RPUSD4: variants seen among roughly 807,000 people sequenced by gnomAD.
The protein encoded by RPUSD4 is pseudouridylate synthase RPUSD4, mitochondrial.
In RPUSD4, 37 loss-of-function variants were observed where a neutral mutation model predicts 35.4. That is an observed-to-expected ratio of 1.04 (90% confidence interval 0.80 to 1.37). The LOEUF is 1.37. RPUSD4 is among the 40% of genes most tolerant of loss of function. The probability of loss-of-function intolerance (pLI) is 0.00; values close to 1 mark genes in which losing one functional copy is unlikely to be tolerated. For missense variants in RPUSD4, 507 were observed against 484.9 expected, an observed-to-expected ratio of 1.05 and a Z score of -0.43; for synonymous variants, 210 against 192.7, an observed-to-expected ratio of 1.09 and a Z score of -0.74.
intron 1 of RPUSD4, 90 bp downstream of exon 1, chr11:126,211,360 C>T: frequency 7.2e-7 from 1 of 1,388,118 alleles, no homozygotes; most frequent in Non-Finnish European, 9.8e-7. Context: ...GACTCACACG[C>T]TTTCACTCAG....
Position 126,204,234 on chromosome 11 carries a change from G to A in RPUSD4, c.891C>T (p.Pro297=). 3 of 1,610,488 alleles carry A rather than the reference G, an allele frequency of 1.9e-6. No individual in the cohort carries two copies. The highest frequency in any genetic ancestry group is 8.5e-7 in the Non-Finnish European group (1 of 1,177,690). ...CATTGGGTCAAATTAGTATTACCTG[G>A]GGGGCCAACCTATTCCAGTCTGAGT... ...HKYSDWNRLA[P]QKLSVGTLKK... The change falls in exon 6 of 7, where the codon CCC becomes CCT. Residue 297 remains proline, a synonymous_variant. Transcript: ENST00000298317.
rs1340745112 is a variant in RPUSD4, at chr11:126,209,724, T to C, written c.356-2A>G. 2.7e-5 allele frequency: 43 copies of C among 1,611,280 alleles called. No individual in the cohort carries two copies. The highest frequency in any genetic ancestry group is 3.6e-5 in the Non-Finnish European group (42 of 1,179,114). On this transcript the variant is annotated splice_acceptor_variant, in intron 2 of 6. Coordinates refer to ENST00000298317, the MANE Select transcript of RPUSD4 (RefSeq NM_032795.3). LOFTEE classifies it high-confidence loss of function. ...TGCAGAGCTGGACCCCAGGGCCACCTAAGAAGGAAAAAGCCAAAGGTTTGA... is the reference window on the plus strand; with the variant it reads ...TGCAGAGCTGGACCCCAGGGCCACCCAAGAAGGAAAAAGCCAAAGGTTTGA...
chr11:126,211,365 A>C, intron 1 of RPUSD4, 85 bp downstream of exon 1: 1 of 1,414,912 alleles, frequency 7.1e-7, no homozygotes, highest in Non-Finnish European at 9.6e-7. Context: ...ACACGCTTTC[A>C]CTCAGAGGAC....
At chr11:126,204,112 T>A (rs1949742790) in intron 6 of RPUSD4, 119 bp downstream of exon 6, 1 of 770,900 alleles carries the variant, frequency 1.3e-6, no homozygotes, top group Admixed American at 2.3e-5. Context: ...GATAATGAGC[T>A]TGGTATCATG....
intron 6 of RPUSD4, 102 bp from the exon 7 acceptor site, chr11:126,203,759 C>T: frequency 2.8e-6 from 4 of 1,425,932 alleles, no homozygotes; most frequent in South Asian, 2.8e-5. Context: ...CCAAAACTAA[C>T]CCCCTGGAAG....
At chr11:126,207,315 C>G (rs1949783517) in intron 3 of RPUSD4, among the ~76,000 whole-genome samples, 1 of 152,168 alleles carries the variant, frequency 6.6e-6, no homozygotes, top group African/African-American at 2.4e-5. Flanking sequence ...CTAAATTCCT[C>G]CATTCTCCAT....
rs961182405 is a variant in RPUSD4 at position 126,202,978 on chromosome 11, G to C, written c.*440C>G. 2 of 176,424 alleles carry C rather than the reference G, an allele frequency of 1.1e-5. No homozygotes were observed. The highest frequency in any genetic ancestry group is 4.7e-5 in the African/African-American group (2 of 42,302). 10.9% of individuals were successfully genotyped at this position (176,424 alleles called of 1,614,324 possible). A position where few individuals can be genotyped will look rare whatever the true frequency, so the allele number is the denominator to read the frequency against. On this transcript the variant is annotated 3_prime_UTR_variant, in exon 7 of 7. Transcript: ENST00000298317. ...TATAGCTGGGCAATCCCTGGATGCTGTGATATTTGTTAACCATTATGTTCT... is the reference window on the plus strand; with the variant it reads ...TATAGCTGGGCAATCCCTGGATGCTCTGATATTTGTTAACCATTATGTTCT...
intron 5 of RPUSD4, 140 bp downstream of exon 5, chr11:126,205,328 G>T: frequency 1.0e-6 from 1 of 975,178 alleles, no homozygotes. Context: ...ATCTCTCTGG[G>T]AGTCCCCGGC....
chr11:126,209,752 G>A lies in RPUSD4; in HGVS notation c.356-30C>T, dbSNP rs79194001. ...GAAGGAAAAAGCCAAAGGTTTGAGC[G>A]GCCAGGAAAAGATCTCGCCAAAGAA... is the stretch of plus-strand genomic sequence containing the variant. On this transcript the variant is annotated intron_variant, in intron 2 of 6. Transcript: ENST00000298317. 10,625 of 1,588,470 alleles carry A rather than the reference G, an allele frequency of 6.7e-3. 475 individuals carry two copies. In the African/African-American group the frequency reaches 0.11, roughly 16 times the overall value.
chr11:126,207,484 T>G (rs1949784793), intron 3 of RPUSD4, among the ~76,000 whole-genome samples: 2 of 152,170 alleles, frequency 1.3e-5, no homozygotes, highest in African/African-American at 4.8e-5. Context: ...ATCTGCAAAA[T>G]CTGTAATCTA....
rs373330680 is a variant in RPUSD4, at chr11:126,203,282, G to A, written c.*136C>T. ...TTACCTTATCCCACCTGGCTCTTAC[G>A]CAGTCTGTTCCAAGTGAGAAGTTAG... is the stretch of plus-strand genomic sequence containing the variant. On this transcript the variant is annotated 3_prime_UTR_variant, in exon 7 of 7. Coordinates refer to ENST00000298317, the MANE Select transcript of RPUSD4 (RefSeq NM_032795.3). 1.8e-5 allele frequency: 23 copies of A among 1,307,996 alleles called. No homozygotes were observed. In the East Asian group the frequency reaches 1.9e-4, roughly 11 times the overall value. The allele number at this position is 1,307,996 out of a possible 1,614,324, so 81.0% of individuals were successfully genotyped here.
Position 126,210,900 on chromosome 11 carries a change from G to A in RPUSD4, c.345C>T (p.Leu115=), listed in dbSNP as rs183768502. The change falls in exon 2 of 7, where the codon CTC becomes CTT. Residue 115 remains leucine, a synonymous_variant. Transcript: ENST00000298317. ...CCGCGTGGTCCTTACCATGCACAGG[G>A]AGACCGTAGGGCTTATTGATGACCA... ...NLVVINKPYG[L]PVHGGPGVQL... 101 of 1,614,036 alleles carry A rather than the reference G, an allele frequency of 6.3e-5. No individual in the cohort carries two copies. The East Asian group carries it at 2.2e-3, about 36-fold the overall frequency.
chr11:126,203,621 C>A lies in RPUSD4; in HGVS notation c.931G>T (p.Glu311Ter), dbSNP rs1591486838. ...SVGTLKKLGL[E>*]QSKARYIPLH... The stretch of plus-strand genomic sequence containing the variant: ...GGGATGTAGCGGGCCTTCGACTGTT[C>A]TAGCCCCAGCTTCTTCAGGGTGCCC... The change falls in exon 7 of 7, where the codon GAA becomes TAA. Residue 311 changes from glutamate to a stop codon, truncating the protein, a stop_gained. Transcript: ENST00000298317. LOFTEE classifies it low-confidence loss of function (END_TRUNC). 1 of 1,613,710 alleles carries A rather than the reference C, an allele frequency of 6.2e-7. No homozygotes were observed. Among genetic ancestry groups the A allele is most frequent in the Non-Finnish European group, 8.5e-7 (1 of 1,179,628 alleles).
intron 3 of RPUSD4, chr11:126,208,678 T>C (rs564444191): frequency 6.6e-6 from 1 of 152,358 alleles, no homozygotes; most frequent in African/African-American, 2.4e-5. Context: ...TGTACATACA[T>C]ATGTACACAT....
intron 6 of RPUSD4, 73 bp from the exon 7 acceptor site, chr11:126,203,730 C>A (rs532898623): frequency 1.3e-6 from 2 of 1,539,226 alleles, no homozygotes; most frequent in African/African-American, 1.4e-5. Flanking sequence ...AAGGTCAGGG[C>A]ACTTCTACTT....
At chr11:126,206,053 A>C in intron 3 of RPUSD4, 1 of 318,254 alleles carries the variant, frequency 3.1e-6, no homozygotes. Context: ...TGGTCTTTCC[A>C]GTCTTTAAAA....
chr11:126,204,483 A>G (rs1292103668), intron 5 of RPUSD4, among the ~76,000 whole-genome samples, 155 bp from the exon 6 acceptor site: 2 of 152,208 alleles, frequency 1.3e-5, no homozygotes, highest in Non-Finnish European at 2.9e-5. Flanking sequence ...ATAGCAAACT[A>G]TAAGTTATGT....
rs752368463 is a variant in RPUSD4 at position 126,209,690 on chromosome 11, C to T, written c.388G>A (p.Val130Ile). ...GPGVQLCITD[V>I]LPILAKMLHG... Reference sequence around the variant, plus strand: ...AGCATCTTTGCCAGGATAGGTAGTACATCAGTGATGCAGAGCTGGACCCCA... The same window carrying T: ...AGCATCTTTGCCAGGATAGGTAGTATATCAGTGATGCAGAGCTGGACCCCA... The change falls in exon 3 of 7, where the codon GTA becomes ATA. Residue 130 changes from valine (V) to isoleucine (I), a missense_variant. Physicochemically the swap from Val to Ile is conservative, Grantham distance 29. Transcript: ENST00000298317. 4 of 1,614,014 alleles carry T rather than the reference C, an allele frequency of 2.5e-6. No individual in the cohort carries two copies. Among genetic ancestry groups the T allele is most frequent in the African/African-American group, 1.3e-5 (1 of 74,938 alleles).
chr11:126,203,666 A>C lies in RPUSD4; in HGVS notation c.895-9T>G. The C allele has an allele frequency of 6.2e-7, 1 of 1,608,172 alleles. No individual in the cohort carries two copies. The highest frequency in any genetic ancestry group is 1.1e-5 in the South Asian group (1 of 90,966). ...GTGCCCACAGACAGCTTCTATACAA[A>C]GAAAGGACAGACCCTTGAGAGCAAG... On this transcript the variant is annotated splice_polypyrimidine_tract_variant and intron_variant, in intron 6 of 6. Transcript: ENST00000298317.
Sources: allele counts gnomAD v4.1 joint callset (sites outside exome capture counted in the v4.1 genomes callset), GRCh38; gene constraint gnomAD v4.1.1; transcripts MANE v1.5; gene names NCBI Gene and HGNC (gene_info 2026-07-23, HGNC 2026-07-21).